CPNE4: variants seen among roughly 807,000 people sequenced by gnomAD.
CPNE4 encodes the protein copine-4.
A neutral mutation model predicts 67.9 loss-of-function variants in CPNE4; 25 were observed. The observed-to-expected ratio is 0.37, with a 90% CI of 0.27 to 0.51. CPNE4 has a LOEUF of 0.51. Ranked by LOEUF, CPNE4 falls within the 20% of genes least tolerant of loss-of-function variation. The pLI is 0.93. For synonymous variants in CPNE4, 242 were observed against 244.9 expected (o/e 0.99, Z 0.11); for missense variants, 464 against 690.8 (o/e 0.67, Z 3.68).
intron 2 of CPNE4, among the ~76,000 whole-genome samples, chr3:131,896,546 T>C (rs1024246335): frequency 6.6e-6 from 1 of 152,108 alleles, no homozygotes; most frequent in African/African-American, 2.4e-5. Context: ...AAAAAAATAA[T>C]TGCACAAGTA....
chr3:131,759,047 C>T (rs1350295130), intron 2 of CPNE4, among the ~76,000 whole-genome samples: 1 of 152,108 alleles, frequency 6.6e-6, no homozygotes, highest in Non-Finnish European at 1.5e-5. Flanking sequence ...GAGAGTCAAA[C>T]AGGTTAGGAT....
upstream of CPNE4, chr3:132,035,563 G>C (rs1024676333): frequency 3.9e-5 from 6 of 152,168 alleles, no homozygotes; most frequent in Non-Finnish European, 8.8e-5. Flanking sequence ...AATACTTAGG[G>C]AGTACTTATG....
chr3:131,581,569 G>A lies in CPNE4; in HGVS notation c.867+10C>T, dbSNP rs1452598809. The A allele has an allele frequency of 6.3e-7, 1 of 1,586,352 alleles. No homozygotes were observed. Among genetic ancestry groups the A allele is most frequent in the South Asian group, 1.1e-5 (1 of 90,510 alleles). On this transcript the variant is annotated intron_variant, in intron 9 of 15. Coordinates refer to ENST00000429747, the MANE Select transcript of CPNE4 (RefSeq NM_130808.3). ...CTTCATACTCCTGGAAGAGAGGGTT[G>A]TGTACATACCTTGCACAGATTCAGA...
intron 1 of CPNE4, among the ~76,000 whole-genome samples, chr3:131,943,092 T>C (rs539114686): frequency 2.0e-5 from 3 of 152,268 alleles, no homozygotes; most frequent in African/African-American, 4.8e-5. Context: ...ATAAAGTGGA[T>C]ATAAAGTATA....
chr3:131,561,393 A>G (rs1039326149), intron 11 of CPNE4, among the ~76,000 whole-genome samples: 3 of 151,638 alleles, frequency 2.0e-5, no homozygotes, highest in Non-Finnish European at 2.9e-5. Context: ...GTGTGTGTGT[A>G]CAAGTAGTTG....
At chr3:131,802,488 C>A (rs1463490996) in intron 2 of CPNE4, among the ~76,000 whole-genome samples, 1 of 152,174 alleles carries the variant, frequency 6.6e-6, no homozygotes, top group Non-Finnish European at 1.5e-5. Flanking sequence ...TGCCCAGCTG[C>A]ATTTTCTGTG....
At position 131,610,560 on chromosome 3, in the gene CPNE4, C is replaced by A. The variant is rs139915037; in HGVS notation, c.682-22978G>T. On this transcript the variant is annotated intron_variant, in intron 7 of 15. Transcript: ENST00000429747. ...CACACAGCAAGGTTTAAATGTTGTT[C>A]ATTGAGACAACTGAGATGTGACTAC... Among the ~76,000 whole-genome samples, 934 of 152,292 alleles carry A rather than the reference C, an allele frequency of 6.1e-3. 4 individuals are homozygous for A. The highest frequency in any genetic ancestry group is 0.024 in the Middle Eastern group (7 of 294).
chr3:131,839,944 G>T (rs914694103), intron 2 of CPNE4, among the ~76,000 whole-genome samples: 1 of 152,140 alleles, frequency 6.6e-6, no homozygotes, highest in African/African-American at 2.4e-5. Flanking sequence ...TCATGTATGA[G>T]GCCCTATACG....
chr3:131,888,727 G>A (rs1252558193), intron 2 of CPNE4, among the ~76,000 whole-genome samples: 1 of 152,200 alleles, frequency 6.6e-6, no homozygotes, highest in Admixed American at 6.5e-5. Flanking sequence ...GTGGAATGAA[G>A]TTGCTCCAAG....
At chr3:131,639,644 C>A (rs59428695) in intron 7 of CPNE4, among the ~76,000 whole-genome samples, 6,286 of 152,146 alleles carry the variant, frequency 0.041, 421 homozygotes, top group African/African-American at 0.14. Context: ...GGAATCCTTC[C>A]TAAATCATTC....
At chr3:131,725,558 G>A (rs1292768565) in intron 2 of CPNE4, among the ~76,000 whole-genome samples, 1 of 152,202 alleles carries the variant, frequency 6.6e-6, no homozygotes, top group African/African-American at 2.4e-5. Context: ...TTCAGAGGGT[G>A]ATGGGACTGA....
At chr3:131,979,760 CT>C (rs2072857699) in intron 1 of CPNE4, among the ~76,000 whole-genome samples, 3 of 150,804 alleles carry the variant, frequency 2.0e-5, no homozygotes, top group African/African-American at 7.3e-5. Context: ...TTTTTTTTTC[CT>C]TTTTAACTTG....
intron 7 of CPNE4, among the ~76,000 whole-genome samples, chr3:131,615,449 G>C (rs1466222848): frequency 6.6e-6 from 1 of 152,162 alleles, no homozygotes. Flanking sequence ...ATGATGCTTA[G>C]AAGTTATGCC....
chr3:131,959,357 C>T (rs2072098494), intron 1 of CPNE4, among the ~76,000 whole-genome samples: 1 of 151,840 alleles, frequency 6.6e-6, no homozygotes, highest in Admixed American at 6.6e-5. Context: ...ATAATAAGGA[C>T]CCCTGCATTC....
intron 2 of CPNE4, among the ~76,000 whole-genome samples, chr3:131,742,811 A>G (rs1379867152): frequency 1.3e-5 from 2 of 152,220 alleles, no homozygotes; most frequent in Non-Finnish European, 2.9e-5. Context: ...CAAACACCTT[A>G]GAAAGCAACT....
At chr3:131,725,216 T>C (rs889515857) in intron 2 of CPNE4, among the ~76,000 whole-genome samples, 2 of 152,240 alleles carry the variant, frequency 1.3e-5, no homozygotes, top group Non-Finnish European at 2.9e-5. Flanking sequence ...ATCTGATATT[T>C]GTTCTAGCCA....
chr3:131,559,772 T>C (rs1459517838), intron 11 of CPNE4, among the ~76,000 whole-genome samples: 1 of 151,996 alleles, frequency 6.6e-6, no homozygotes, highest in Non-Finnish European at 1.5e-5. Flanking sequence ...CAACTCACAT[T>C]GAAGAGCTTG....
intron 1 of CPNE4, among the ~76,000 whole-genome samples, chr3:132,015,035 A>G (rs1196024159): frequency 1.3e-5 from 2 of 152,230 alleles, no homozygotes; most frequent in African/African-American, 2.4e-5. Context: ...GCTCAAATAT[A>G]TAATTTATTT....
chr3:131,962,805 C>T (rs963804725), intron 1 of CPNE4, among the ~76,000 whole-genome samples: 1 of 151,772 alleles, frequency 6.6e-6, no homozygotes, highest in Non-Finnish European at 1.5e-5. Context: ...CTTAAAAAGT[C>T]CCTGATTCAA....
Sources: gnomAD v4.1 joint callset for allele counts (sites outside exome capture counted in the v4.1 genomes callset) on GRCh38, gnomAD v4.1.1 for gene constraint, MANE v1.5 for transcripts, NCBI Gene and HGNC (gene_info 2026-07-23, HGNC 2026-07-21) for gene names.